Variants in EDN1 observed in about 807,000 individuals in gnomAD.
The protein encoded by EDN1 is endothelin 1, also known as endothelin-1.
Under a neutral mutation model 21.7 loss-of-function variants are expected in EDN1, and 11 were observed. The observed-to-expected ratio is 0.51, with a 90% confidence interval of 0.32 to 0.84. The LOEUF is 0.84. Ranked by LOEUF, EDN1 falls within the 40% of genes least tolerant of loss-of-function variation. EDN1 has a pLI of 0.03. For missense variants in EDN1, 244 were observed against 262.3 expected, an observed-to-expected ratio of 0.93 and a Z score of 0.48; for synonymous variants, 85 against 90.6, an observed-to-expected ratio of 0.94 and a Z score of 0.35.
chr6:12,292,658 C>A, intron 2 of EDN1, 149 bp downstream of exon 2: 1 of 952,946 alleles, frequency 1.0e-6, no homozygotes, highest in Non-Finnish European at 1.6e-6. Flanking sequence ...CCCTCTATTC[C>A]TGAAAATAAC....
the EDN1 span, among the ~76,000 whole-genome samples, chr6:12,237,354 C>T: frequency 6.6e-6 from 1 of 151,994 alleles, no homozygotes; most frequent in East Asian, 1.9e-4. Flanking sequence ...ACCTTTTAAC[C>T]TCAAAGAATA....
chr6:12,289,094 G>A (rs1290196156), upstream of EDN1, among the ~76,000 whole-genome samples: 2 of 152,198 alleles, frequency 1.3e-5, no homozygotes, highest in Non-Finnish European at 2.9e-5. Context: ...CTTTATTAAG[G>A]CATGATGTCA....
the EDN1 span, among the ~76,000 whole-genome samples, chr6:12,277,795 T>G: frequency 6.6e-6 from 1 of 152,230 alleles, no homozygotes; most frequent in Non-Finnish European, 1.5e-5. Flanking sequence ...GACTACCGCC[T>G]GCTTATTCTG....
chr6:12,263,550 A>G, the EDN1 span, among the ~76,000 whole-genome samples: 1 of 152,190 alleles, frequency 6.6e-6, no homozygotes, highest in Non-Finnish European at 1.5e-5. Flanking sequence ...AGAGACTTCT[A>G]TCTTCCTAAT....
At chr6:12,237,566 C>G in the EDN1 span, among the ~76,000 whole-genome samples, 1 of 152,260 alleles carries the variant, frequency 6.6e-6, no homozygotes, top group South Asian at 2.1e-4. Flanking sequence ...TGACTTTGCT[C>G]TGGAATGAGA....
the EDN1 span, among the ~76,000 whole-genome samples, chr6:12,233,340 A>G: frequency 1.3e-5 from 2 of 152,196 alleles, no homozygotes; most frequent in African/African-American, 4.8e-5. Flanking sequence ...TGAGGGAAAA[A>G]CAAGACTGAT....
chr6:12,237,575 G>A, the EDN1 span, among the ~76,000 whole-genome samples: 5 of 152,176 alleles, frequency 3.3e-5, no homozygotes, highest in South Asian at 1.0e-3. Flanking sequence ...TCTGGAATGA[G>A]AGAGTGGAAC....
the EDN1 span, among the ~76,000 whole-genome samples, chr6:12,258,458 A>AAAAAAAT: frequency 1.3e-5 from 2 of 150,866 alleles, no homozygotes; most frequent in African/African-American, 4.9e-5. Context: ...TCAAAAAAAA[A>AAAAAAAT]AAAAAAAAAA....
At chr6:12,236,389 C>G in the EDN1 span, among the ~76,000 whole-genome samples, 1 of 152,056 alleles carries the variant, frequency 6.6e-6, no homozygotes, top group Non-Finnish European at 1.5e-5. Context: ...TTCCCAGTAG[C>G]TGGGACTACA....
the EDN1 span, among the ~76,000 whole-genome samples, chr6:12,240,814 G>A: frequency 6.6e-6 from 1 of 152,158 alleles, no homozygotes; most frequent in Admixed American, 6.5e-5. Context: ...GAGCAGTGGT[G>A]TACAACTCCC....
the EDN1 span, among the ~76,000 whole-genome samples, chr6:12,262,060 C>A: frequency 6.6e-6 from 1 of 152,156 alleles, no homozygotes; most frequent in African/African-American, 2.4e-5. Flanking sequence ...AGGGAAGATA[C>A]CTCCACAAAC....
the EDN1 span, among the ~76,000 whole-genome samples, chr6:12,245,686 G>A: frequency 1.3e-5 from 2 of 152,188 alleles, no homozygotes; most frequent in Admixed American, 1.3e-4. Flanking sequence ...CTCTCATTCT[G>A]AAAGAACAAA....
chr6:12,243,087 C>T, the EDN1 span, among the ~76,000 whole-genome samples: 1 of 151,932 alleles, frequency 6.6e-6, no homozygotes, highest in Non-Finnish European at 1.5e-5. Flanking sequence ...GACCAGAAAC[C>T]TTAGTGATAA....
chr6:12,262,225 G>A, the EDN1 span, among the ~76,000 whole-genome samples: 2 of 152,188 alleles, frequency 1.3e-5, no homozygotes, highest in Non-Finnish European at 2.9e-5. Context: ...AGATGGATTT[G>A]GAATTATCTG....
the EDN1 span, among the ~76,000 whole-genome samples, chr6:12,274,035 A>G: frequency 1.3e-5 from 2 of 152,156 alleles, no homozygotes; most frequent in Non-Finnish European, 1.5e-5. Context: ...TTCATCTGTT[A>G]TCTTCACTTG....
chr6:12,247,205 T>A, the EDN1 span, among the ~76,000 whole-genome samples: 1 of 152,184 alleles, frequency 6.6e-6, no homozygotes, highest in Middle Eastern at 3.2e-3. Flanking sequence ...GGCCACAGCA[T>A]CTACTTGGTT....
the EDN1 span, among the ~76,000 whole-genome samples, chr6:12,273,467 T>C: frequency 3.3e-5 from 5 of 152,238 alleles, no homozygotes; most frequent in South Asian, 4.1e-4. Context: ...CTCTAAATCA[T>C]TTGGATGATT....
the EDN1 span, among the ~76,000 whole-genome samples, chr6:12,280,748 C>T: frequency 6.6e-6 from 1 of 152,076 alleles, no homozygotes; most frequent in Admixed American, 6.5e-5. Context: ...TACAAATTAG[C>T]CAGACATGGT....
chr6:12,287,688 CCTCT>C (rs757039157), upstream of EDN1, among the ~76,000 whole-genome samples: 88 of 112,602 alleles, frequency 7.8e-4, no homozygotes, highest in Non-Finnish European at 1.2e-3. Flanking sequence ...TCTCTCTCTC[CCTCT>C]CTCTCTCTCT....
Sources: gnomAD v4.1 joint callset for allele counts (sites outside exome capture counted in the v4.1 genomes callset) on GRCh38, gnomAD v4.1.1 for gene constraint, MANE v1.5 for transcripts, NCBI Gene and HGNC (gene_info 2026-07-23, HGNC 2026-07-21) for gene names.